The following LRMDA variants were observed in gnomAD, a reference collection of about 807,000 sequenced individuals.
LRMDA encodes the protein leucine-rich melanocyte differentiation-associated protein.
LRMDA carries 18 observed loss-of-function variants against 29.8 expected under a neutral mutation model. The ratio of observed to expected loss-of-function variants is 0.60; its 90% CI spans 0.42 to 0.90. The LOEUF is 0.90. Among genes scored for constraint, LRMDA ranks in the 40% least tolerant of loss-of-function variants. LRMDA has a pLI of 0.00. For missense variants in LRMDA, 273 were observed against 273.9 expected (o/e 1.00, Z 0.02); for synonymous variants, 125 against 109.4 (o/e 1.14, Z -0.89).
intron 6 of LRMDA, among the ~76,000 whole-genome samples, chr10:76,428,304 C>G (rs918725883): frequency 2.0e-5 from 3 of 152,116 alleles, no homozygotes; most frequent in Admixed American, 6.6e-5. Flanking sequence ...GGTTCCTTTA[C>G]TTGTTTTTGA....
chr10:75,576,561 C>T (rs1027406474), intron 2 of LRMDA, among the ~76,000 whole-genome samples: 9 of 152,190 alleles, frequency 5.9e-5, no homozygotes, highest in Admixed American at 2.6e-4. Flanking sequence ...CCCTGACCTC[C>T]GTGTATCCTG....
chr10:75,652,751 G>A, intron 2 of LRMDA, among the ~76,000 whole-genome samples: 1 of 152,124 alleles, frequency 6.6e-6, no homozygotes. Context: ...TCTTCTATCT[G>A]TCCAGGAAGC....
chr10:75,707,037 C>G (rs985783526), intron 2 of LRMDA, among the ~76,000 whole-genome samples: 1 of 152,162 alleles, frequency 6.6e-6, no homozygotes, highest in African/African-American at 2.4e-5. Context: ...TCTCAAGTCA[C>G]AATACATAGT....
intron 5 of LRMDA, among the ~76,000 whole-genome samples, chr10:76,207,140 A>G (rs1589376361): frequency 1.3e-5 from 2 of 151,642 alleles, no homozygotes; most frequent in African/African-American, 2.4e-5. Flanking sequence ...CAACAGGGGT[A>G]ATGAATCAGC....
chr10:75,754,450 T>G (rs1843005000), intron 2 of LRMDA, among the ~76,000 whole-genome samples: 1 of 152,238 alleles, frequency 6.6e-6, no homozygotes, highest in Non-Finnish European at 1.5e-5. Flanking sequence ...TCCCAGCATA[T>G]AATACAAGTT....
At chr10:76,065,983 C>G (rs1230847936) in intron 5 of LRMDA, among the ~76,000 whole-genome samples, 31 of 152,222 alleles carry the variant, frequency 2.0e-4, no homozygotes, top group Admixed American at 2.0e-3. Context: ...GGCCTGCAAA[C>G]ATCCCAGCCA....
chr10:75,525,284 A>T (rs1845400951), intron 2 of LRMDA, among the ~76,000 whole-genome samples: 1 of 152,182 alleles, frequency 6.6e-6, no homozygotes, highest in African/African-American at 2.4e-5. Context: ...GCTGACTCAG[A>T]ATGATGGGTG....
At chr10:76,442,998 G>C (rs1039959116) in intron 6 of LRMDA, among the ~76,000 whole-genome samples, 2 of 152,118 alleles carry the variant, frequency 1.3e-5, no homozygotes, top group African/African-American at 4.8e-5. Context: ...AAACATAATA[G>C]TGGACTAATC....
In LRMDA at chr10:75,820,686, A is replaced by T. The variant is rs989439209; in HGVS notation, c.132-215322A>T. On this transcript the variant is annotated intron_variant, in intron 2 of 6. Coordinates refer to ENST00000611255, the MANE Select transcript of LRMDA (RefSeq NM_001305581.2). ...AAAGATCAGAGCAGAACAAAATGAA[A>T]TTAAGACCAAAAAAGCCACTCAAAG... is the stretch of plus-strand genomic sequence containing the variant. 1.9e-4 allele frequency among the ~76,000 whole-genome samples: 29 copies of T among 152,354 alleles called. No homozygotes were observed. In the East Asian group the frequency reaches 2.3e-3, roughly 12 times the overall value.
intron 2 of LRMDA, among the ~76,000 whole-genome samples, chr10:75,608,109 TG>T (rs1840979690): frequency 1.3e-5 from 1 of 79,210 alleles, no homozygotes; most frequent in African/African-American, 5.2e-5. Flanking sequence ...TTGTAGTGTG[TG>T]TATATATATA....
At chr10:75,516,773 C>T (rs1845294916) in intron 2 of LRMDA, among the ~76,000 whole-genome samples, 1 of 152,076 alleles carries the variant, frequency 6.6e-6, no homozygotes, top group African/African-American at 2.4e-5. Flanking sequence ...GAAGTCCTTG[C>T]CCATGCCTAT....
chr10:76,365,077 C>CACACAT (rs2132450410), intron 6 of LRMDA, among the ~76,000 whole-genome samples: 1 of 18,448 alleles, frequency 5.4e-5, no homozygotes, highest in African/African-American at 2.9e-4. Context: ...TATATACACA[C>CACACAT]ACACACACAT....
At chr10:75,626,151 C>G (rs1383772670) in intron 2 of LRMDA, among the ~76,000 whole-genome samples, 1 of 152,008 alleles carries the variant, frequency 6.6e-6, no homozygotes, top group African/African-American at 2.4e-5. Context: ...TGTGAGCCAC[C>G]ACACCCGGCC....
intron 2 of LRMDA, among the ~76,000 whole-genome samples, chr10:75,823,713 TGTG>T (rs1260720981): frequency 8.1e-4 from 122 of 151,482 alleles, no homozygotes; most frequent in African/African-American, 2.9e-3. Context: ...TGTGTGTGTG[TGTG>T]TGTGTGTGTG....
intron 5 of LRMDA, among the ~76,000 whole-genome samples, chr10:76,081,019 C>T (rs1259969643): frequency 6.6e-6 from 1 of 152,178 alleles, no homozygotes; most frequent in Non-Finnish European, 1.5e-5. Context: ...AGCGCTTTCA[C>T]TAAAGACTTC....
chr10:76,450,888 C>T (rs1842398951), intron 6 of LRMDA, among the ~76,000 whole-genome samples: 1 of 152,154 alleles, frequency 6.6e-6, no homozygotes, highest in Non-Finnish European at 1.5e-5. Flanking sequence ...CAGATGAGTT[C>T]TAAATCTTGC....
At chr10:76,443,068 G>T (rs1349228087) in intron 6 of LRMDA, among the ~76,000 whole-genome samples, 1 of 152,170 alleles carries the variant, frequency 6.6e-6, no homozygotes, top group Admixed American at 6.5e-5. Context: ...TAGCTATGGA[G>T]TCAGGAATAG....
chr10:76,122,844 G>A (rs956592358), intron 5 of LRMDA, among the ~76,000 whole-genome samples: 5 of 152,038 alleles, frequency 3.3e-5, no homozygotes, highest in Non-Finnish European at 7.4e-5. Context: ...AAGCTGATTC[G>A]GCATTTAGTA....
intron 2 of LRMDA, among the ~76,000 whole-genome samples, chr10:75,710,718 G>A (rs1399104710): frequency 3.3e-5 from 5 of 152,266 alleles, no homozygotes; most frequent in Non-Finnish European, 7.3e-5. Flanking sequence ...GGTTAAATGT[G>A]TGGCCAAGGA....
Sources: gnomAD v4.1 joint callset for allele counts (sites outside exome capture counted in the v4.1 genomes callset) on GRCh38, gnomAD v4.1.1 for gene constraint, MANE v1.5 for transcripts, NCBI Gene and HGNC (gene_info 2026-07-23, HGNC 2026-07-21) for gene names.